FNDC1: variants seen among roughly 807,000 people sequenced by gnomAD.
FNDC1 encodes fibronectin type III domain containing 1, also known as fibronectin type III domain-containing protein 1.
A neutral mutation model predicts 168.0 loss-of-function variants in FNDC1; 96 were observed. That is an observed-to-expected ratio of 0.57 (90% CI 0.48 to 0.68). The LOEUF (loss-of-function observed/expected upper bound fraction) is 0.68. Among genes scored for constraint, FNDC1 ranks in the 30% least tolerant of loss-of-function variants. FNDC1 has a pLI of 0.00. For synonymous variants in FNDC1, 1,099 were observed against 1,025.9 expected (o/e 1.07, Z -1.36); for missense variants, 2,587 against 2,482.1 (o/e 1.04, Z -0.90).
At position 159,232,404 on chromosome 6, in the gene FNDC1, A is replaced by G. The variant is rs371039982; in HGVS notation, c.1892A>G (p.His631Arg). 5.8e-5 allele frequency: 93 copies of G among 1,612,368 alleles called. No homozygotes were observed. The East Asian group carries it at 1.7e-3, about 29-fold the overall frequency. ...AHHASTQGTS[H>R]RPSLPASLND... ...CACGCGTCCACCCAGGGCACCTCTC[A>G]TCGTCCTTCCCTGCCTGCCAGCTTG... The change falls in exon 11 of 23, where the codon CAT becomes CGT. Residue 631 changes from histidine to arginine, a missense_variant. Transcript: ENST00000297267. The surrounding 1 kb of genome is among the most constrained non-coding windows in gnomAD (Gnocchi z 4.9).
intron 18 of FNDC1, among the ~76,000 whole-genome samples, chr6:159,259,421 A>G (rs1456972818): frequency 6.6e-6 from 1 of 152,148 alleles, no homozygotes. Context: ...CTTTAGTGTC[A>G]AAACAAAATC....
At position 159,268,676 on chromosome 6, in the gene FNDC1, A is replaced by G. The variant is rs1777640845; in HGVS notation, c.5569+750A>G. Among the ~76,000 whole-genome samples, 3 of 150,170 alleles carry G rather than the reference A, an allele frequency of 2.0e-5. No homozygotes were observed. In the East Asian group the frequency reaches 5.9e-4, roughly 29 times the overall value. On this transcript the variant is annotated intron_variant, in intron 22 of 22. Coordinates refer to ENST00000297267, the MANE Select transcript of FNDC1 (RefSeq NM_032532.3). ...TATGTATGTATCCATCCATCTCTCT[A>G]TCCATCTATCTATCCATCCATCCAT...
chr6:159,206,825 A>G (rs542673745), intron 4 of FNDC1, among the ~76,000 whole-genome samples: 16 of 152,334 alleles, frequency 1.1e-4, no homozygotes, highest in South Asian at 2.1e-4. Context: ...TTGCACAGCC[A>G]GATCCATGGG....
At chr6:159,208,755 A>G (rs899366818) in intron 4 of FNDC1, among the ~76,000 whole-genome samples, 2 of 152,230 alleles carry the variant, frequency 1.3e-5, no homozygotes, top group East Asian at 3.8e-4. Context: ...AATGTGACAC[A>G]ACTAAGATTC....
intron 17 of FNDC1, 122 bp downstream of exon 17, chr6:159,251,654 T>A: frequency 1.3e-6 from 1 of 784,508 alleles, no homozygotes. Context: ...GTTGGATGGA[T>A]GAATGGGATG....
At chr6:159,210,082 A>G (rs995680171) in intron 4 of FNDC1, among the ~76,000 whole-genome samples, 3 of 152,166 alleles carry the variant, frequency 2.0e-5, no homozygotes, top group African/African-American at 4.8e-5. Flanking sequence ...GTCCTTGGGA[A>G]CTGTGCCAGC....
intron 4 of FNDC1, among the ~76,000 whole-genome samples, chr6:159,213,550 G>A (rs575170446): frequency 1.2e-4 from 18 of 152,244 alleles, no homozygotes; most frequent in South Asian, 2.1e-4. Flanking sequence ...CCAGACACAC[G>A]GCTGGGAAGG....
rs774460212 is a variant in FNDC1 at position 159,238,562 on chromosome 6, C to A, written c.4077C>A (p.Asp1359Glu). The A allele has an allele frequency of 6.8e-6, 11 of 1,607,864 alleles. No individual in the cohort carries two copies. The highest frequency in any genetic ancestry group is 1.6e-4 in the Middle Eastern group (1 of 6,074). ...CTATGTCATGGATTTAGGTTGTGGA[C>A]CTTGATCGTGGGTTAGTATTGAATG... ...NGPQGTKWVVDLDRGLVLNAE... is the reference protein window; with the variant it reads ...NGPQGTKWVVELDRGLVLNAE... Residue 1359 changes from aspartate (D) to glutamate (E), a missense_variant, in exon 13 of 23, where the codon GAC becomes GAA. Physicochemically the swap from Asp to Glu is conservative, Grantham distance 45. Transcript: ENST00000297267.
At chr6:159,206,594 G>T (rs1479355516) in intron 4 of FNDC1, among the ~76,000 whole-genome samples, 1 of 152,226 alleles carries the variant, frequency 6.6e-6, no homozygotes, top group Non-Finnish European at 1.5e-5. Flanking sequence ...CTTGGACGTT[G>T]CAGAGGTGCC....
intron 18 of FNDC1, among the ~76,000 whole-genome samples, chr6:159,259,123 A>G (rs750754877): frequency 3.3e-5 from 5 of 152,254 alleles, no homozygotes; most frequent in Non-Finnish European, 7.3e-5. Context: ...AGAAACTTAT[A>G]TAAGAAGGCG....
Position 159,200,022 on chromosome 6 carries a change from C to T in FNDC1, c.331C>T (p.Leu111Phe). Residue 111 changes from leucine (L) to phenylalanine (F), a missense_variant, in exon 3 of 23, where the codon CTT (leucine) becomes TTT (phenylalanine). Transcript: ENST00000297267. Reference protein sequence around the residue: ...VEPGVVYFVLLTAENHSGVSR... With the variant: ...VEPGVVYFVLFTAENHSGVSR... ...GCCGGGGGTAGTGTACTTTGTGCTG[C>T]TTACTGCAGAAAACCACAGTGGAGT... The T allele has an allele frequency of 6.2e-7, 1 of 1,606,530 alleles. No homozygotes were observed. Among genetic ancestry groups the T allele is most frequent in the Non-Finnish European group, 8.5e-7 (1 of 1,176,458 alleles).
chr6:159,198,084 C>A (rs1782289363), intron 2 of FNDC1, among the ~76,000 whole-genome samples: 1 of 152,114 alleles, frequency 6.6e-6, no homozygotes, highest in East Asian at 1.9e-4. Context: ...AACACTTTGC[C>A]CCATTTAAAT....
At chr6:159,231,653 T>G (rs567212439) in intron 10 of FNDC1, among the ~76,000 whole-genome samples, 1 of 152,352 alleles carries the variant, frequency 6.6e-6, no homozygotes, top group Non-Finnish European at 1.5e-5. Flanking sequence ...AGAGATTCAA[T>G]TCACTTATAT....
intron 1 of FNDC1, 99 bp from the exon 2 acceptor site, chr6:159,197,332 C>T (rs955347460): frequency 2.3e-5 from 26 of 1,136,996 alleles, no homozygotes; most frequent in East Asian, 1.4e-4. Context: ...ACTGATTAAA[C>T]GTCATTTACT....
At chr6:159,195,681 T>G (rs1782228747) in intron 1 of FNDC1, among the ~76,000 whole-genome samples, 1 of 152,108 alleles carries the variant, frequency 6.6e-6, no homozygotes, top group South Asian at 2.1e-4. Flanking sequence ...ACAATGAAAA[T>G]ATTTATAAAT....
At chr6:159,258,345 A>G (rs571218076) in intron 18 of FNDC1, among the ~76,000 whole-genome samples, 1 of 152,240 alleles carries the variant, frequency 6.6e-6, no homozygotes, top group East Asian at 1.9e-4. Context: ...TACATCTCCA[A>G]GTACATCATG....
chr6:159,256,134 C>T (rs1439721102), intron 17 of FNDC1, among the ~76,000 whole-genome samples: 1 of 152,200 alleles, frequency 6.6e-6, no homozygotes, highest in Non-Finnish European at 1.5e-5. Context: ...GTTTCCTGTG[C>T]AGGGCAATGG....
intron 17 of FNDC1, among the ~76,000 whole-genome samples, chr6:159,253,494 C>A (rs1199325569): frequency 6.6e-6 from 1 of 152,196 alleles, no homozygotes; most frequent in East Asian, 1.9e-4. Context: ...TTTTCACCTG[C>A]CATTCTTTCT....
At chr6:159,201,440 G>A (rs560777978) in intron 4 of FNDC1, among the ~76,000 whole-genome samples, 89 of 152,302 alleles carry the variant, frequency 5.8e-4, no homozygotes, top group South Asian at 1.9e-3. Flanking sequence ...ACTGGCTTTT[G>A]GGGAGAGACT....
Sources: gnomAD v4.1 joint callset for allele counts (sites outside exome capture counted in the v4.1 genomes callset) on GRCh38, gnomAD v4.1.1 for gene constraint, Gnocchi (gnomAD v3.1) non-coding constraint, MANE v1.5 for transcripts, NCBI Gene and HGNC (gene_info 2026-07-23, HGNC 2026-07-21) for gene names.